MACROD2: variants seen among roughly 807,000 people sequenced by gnomAD.
MACROD2 encodes mono-ADP ribosylhydrolase 2, also known as ADP-ribose glycohydrolase MACROD2.
MACROD2 carries 36 observed loss-of-function variants against 70.4 expected under a neutral mutation model. The ratio of observed to expected loss-of-function variants is 0.51; its 90% CI spans 0.39 to 0.68. MACROD2 has a LOEUF of 0.68. Ranked by LOEUF, MACROD2 falls within the 30% of genes least tolerant of loss-of-function variation. MACROD2 has a pLI of 0.00. For missense variants in MACROD2, 496 were observed against 538.4 expected, an observed-to-expected ratio of 0.92 and a Z score of 0.78; for synonymous variants, 172 against 178.8, an observed-to-expected ratio of 0.96 and a Z score of 0.30.
chr20:14,183,058 ACCT>A (rs2081317304), intron 3 of MACROD2, among the ~76,000 whole-genome samples: 1 of 147,710 alleles, frequency 6.8e-6, no homozygotes, highest in South Asian at 2.2e-4. Flanking sequence ...TACCTATGTA[ACCT>A]ATTTGTTACA....
chr20:14,555,157 G>C (rs1034200866), intron 4 of MACROD2, among the ~76,000 whole-genome samples: 1 of 152,008 alleles, frequency 6.6e-6, no homozygotes, highest in African/African-American at 2.4e-5. Flanking sequence ...TGCTTGAGGG[G>C]AGGGATACCC....
At chr20:14,647,068 A>G (rs751954049) in intron 4 of MACROD2, among the ~76,000 whole-genome samples, 17 of 152,290 alleles carry the variant, frequency 1.1e-4, no homozygotes, top group Non-Finnish European at 2.2e-4. Context: ...TTAATAAAGT[A>G]ATCAGCATTT....
chr20:15,590,237 C>T (rs1321849017), intron 8 of MACROD2, among the ~76,000 whole-genome samples: 1 of 152,154 alleles, frequency 6.6e-6, no homozygotes, highest in Non-Finnish European at 1.5e-5. Flanking sequence ...CGCCAGGTAG[C>T]ATGCTAGACA....
intron 8 of MACROD2, among the ~76,000 whole-genome samples, chr20:15,560,559 T>A (rs376826489): frequency 2.6e-5 from 4 of 151,800 alleles, no homozygotes; most frequent in East Asian, 3.9e-4. Flanking sequence ...GGTCAGGAGT[T>A]TGAGACCAGC....
Position 14,435,944 on chromosome 20 carries a change from G to A in MACROD2, c.272-57535G>A, listed in dbSNP as rs190906652. 9.2e-5 allele frequency among the ~76,000 whole-genome samples: 14 copies of A among 152,082 alleles called. No homozygotes were observed. In the East Asian group the frequency reaches 2.3e-3, roughly 25 times the overall value. ...CTGGTCTTGAACTCCTGGTCTCAAC[G>A]GATCCACCTACCTCAGCCTCCCAAA... On this transcript the variant is annotated intron_variant, in intron 3 of 17. Transcript: ENST00000684519.
intron 5 of MACROD2, among the ~76,000 whole-genome samples, chr20:15,059,391 A>C (rs2075513812): frequency 6.6e-6 from 1 of 152,174 alleles, no homozygotes; most frequent in Non-Finnish European, 1.5e-5. Flanking sequence ...TCTCAAAAAA[A>C]AAGAATAGAA....
At chr20:15,380,938 T>G (rs962460170) in intron 6 of MACROD2, among the ~76,000 whole-genome samples, 1 of 150,280 alleles carries the variant, frequency 6.7e-6, no homozygotes, top group East Asian at 2.0e-4. Flanking sequence ...GATACACTTT[T>G]TCACTCTTTC....
At chr20:15,943,677 G>C (rs945406123) in intron 12 of MACROD2, among the ~76,000 whole-genome samples, 2 of 152,148 alleles carry the variant, frequency 1.3e-5, no homozygotes, top group African/African-American at 4.8e-5. Context: ...CAGAGAAGGA[G>C]AGAGGAAAAG....
At chr20:14,257,999 T>G (rs951805294) in intron 3 of MACROD2, among the ~76,000 whole-genome samples, 6 of 152,194 alleles carry the variant, frequency 3.9e-5, no homozygotes, top group African/African-American at 1.2e-4. Flanking sequence ...GGTTTTCCAT[T>G]TTTGAGTTGC....
chr20:15,247,169 T>A (rs1342468312), intron 6 of MACROD2, among the ~76,000 whole-genome samples: 1 of 152,224 alleles, frequency 6.6e-6, no homozygotes, highest in African/African-American at 2.4e-5. Context: ...TGCACACTGT[T>A]AAATGGCAAA....
At chr20:14,532,201 A>G (rs2085313971) in intron 4 of MACROD2, among the ~76,000 whole-genome samples, 1 of 151,274 alleles carries the variant, frequency 6.6e-6, no homozygotes, top group South Asian at 2.1e-4. Context: ...TGCACAAAAC[A>G]ATCCTGTATA....
At chr20:14,838,621 A>C (rs1465005665) in intron 5 of MACROD2, among the ~76,000 whole-genome samples, 2 of 152,142 alleles carry the variant, frequency 1.3e-5, no homozygotes, top group Non-Finnish European at 2.9e-5. Context: ...TAAAAAAATA[A>C]ATTTTGAAAA....
chr20:15,500,253 G>A (rs754216673), intron 8 of MACROD2, among the ~76,000 whole-genome samples: 19 of 152,124 alleles, frequency 1.2e-4, no homozygotes, highest in Non-Finnish European at 1.9e-4. Flanking sequence ...GTGTTCTTTG[G>A]ATTTATAACT....
intron 8 of MACROD2, among the ~76,000 whole-genome samples, chr20:15,646,311 C>T (rs1187290044): frequency 6.6e-6 from 1 of 152,022 alleles, no homozygotes; most frequent in East Asian, 1.9e-4. Context: ...TCTGATGAGC[C>T]CCAAGCCTGA....
chr20:15,710,681 A>C lies in MACROD2; in HGVS notation c.646-152064A>C, dbSNP rs571060534. On this transcript the variant is annotated intron_variant, in intron 8 of 17. Coordinates refer to ENST00000684519, the MANE Select transcript of MACROD2 (RefSeq NM_001351661.2). ...CTTTTATTATGTTGTTTTACACACAAAACATTTTTTTTGAAATCACCAAGT... is the reference window on the plus strand; with the variant it reads ...CTTTTATTATGTTGTTTTACACACACAACATTTTTTTTGAAATCACCAAGT... 1.2e-3 allele frequency among the ~76,000 whole-genome samples: 178 copies of C among 152,340 alleles called. 1 individual carries two copies. Among genetic ancestry groups the C allele is most frequent in the African/African-American group, 4.1e-3 (169 of 41,588 alleles).
intron 5 of MACROD2, among the ~76,000 whole-genome samples, chr20:14,719,485 A>G (rs78153673): frequency 2.7e-5 from 4 of 150,508 alleles, no homozygotes; most frequent in African/African-American, 9.9e-5. Context: ...AAAAAAAAAA[A>G]AAGAAAGAAA....
intron 3 of MACROD2, among the ~76,000 whole-genome samples, chr20:14,398,836 A>G (rs897183088): frequency 1.3e-5 from 2 of 152,074 alleles, no homozygotes; most frequent in African/African-American, 4.8e-5. Flanking sequence ...ATTCGTTTCC[A>G]TCCATATTTC....
intron 6 of MACROD2, among the ~76,000 whole-genome samples, chr20:15,287,266 A>G (rs1399674471): frequency 6.6e-6 from 1 of 152,226 alleles, no homozygotes; most frequent in Non-Finnish European, 1.5e-5. Context: ...TATTGTATAC[A>G]TGTGCTTTGT....
At chr20:14,161,181 T>A (rs1003409741) in intron 3 of MACROD2, among the ~76,000 whole-genome samples, 3 of 143,456 alleles carry the variant, frequency 2.1e-5, no homozygotes, top group Non-Finnish European at 4.5e-5. Flanking sequence ...TCATTCTTTT[T>A]TTTCTTTTTC....
Sources: allele counts gnomAD v4.1 joint callset (sites outside exome capture counted in the v4.1 genomes callset), GRCh38; gene constraint gnomAD v4.1.1; transcripts MANE v1.5; gene names NCBI Gene and HGNC (gene_info 2026-07-23, HGNC 2026-07-21).